The following GLI2 variants were observed in gnomAD, a reference collection of about 807,000 sequenced individuals.
GLI2 encodes the protein GLI family zinc finger 2.
GLI2 carries 22 observed loss-of-function variants against 78.9 expected under a neutral mutation model. The ratio of observed to expected loss-of-function variants is 0.28; its 90% CI spans 0.20 to 0.40. The LOEUF is 0.40. Among genes scored for constraint, GLI2 ranks in the 10% least tolerant of loss-of-function variants. GLI2 has a pLI of 1.00. For synonymous variants in GLI2, 974 were observed against 963.7 expected, an observed-to-expected ratio of 1.01 and a Z score of -0.20; for missense variants, 2,097 against 2,213.2, an observed-to-expected ratio of 0.95 and a Z score of 1.05.
At chr2:120,824,389 G>C (rs1685937036) in intron 2 of GLI2, among the ~76,000 whole-genome samples, 1 of 152,224 alleles carries the variant, frequency 6.6e-6, no homozygotes, top group Non-Finnish European at 1.5e-5. Flanking sequence ...CCCCTTACAG[G>C]GGTGTGGGCC....
At chr2:120,899,830 T>C (rs973280505) in intron 2 of GLI2, among the ~76,000 whole-genome samples, 25 of 152,194 alleles carry the variant, frequency 1.6e-4, no homozygotes, top group African/African-American at 5.6e-4. Context: ...CTAACTGGTG[T>C]CCAAGCCAGG....
chr2:120,747,477 TG>T (rs1682728058), intron 1 of GLI2, among the ~76,000 whole-genome samples: 1 of 152,188 alleles, frequency 6.6e-6, no homozygotes, highest in South Asian at 2.1e-4. Context: ...AGGGCTGCCC[TG>T]GGAGCAGCTG....
At chr2:120,756,517 T>A (rs561828741) in intron 1 of GLI2, among the ~76,000 whole-genome samples, 2 of 152,302 alleles carry the variant, frequency 1.3e-5, no homozygotes, top group East Asian at 3.9e-4. Flanking sequence ...TTTTTTGCCT[T>A]TCACTGGCTA....
At chr2:120,967,029 G>A (rs947409967) in intron 5 of GLI2, among the ~76,000 whole-genome samples, 3 of 152,236 alleles carry the variant, frequency 2.0e-5, no homozygotes, top group Admixed American at 6.5e-5. Flanking sequence ...CCCAGGAGGG[G>A]TCTCAGCAGG....
At chr2:120,948,448 C>A (rs1680821188) in intron 3 of GLI2, among the ~76,000 whole-genome samples, 1 of 152,174 alleles carries the variant, frequency 6.6e-6, no homozygotes, top group Admixed American at 6.5e-5. Flanking sequence ...TGGAGTCTAC[C>A]TTCCCCAAAT....
chr2:120,938,144 C>T (rs760650078), intron 3 of GLI2, among the ~76,000 whole-genome samples: 1 of 152,180 alleles, frequency 6.6e-6, no homozygotes, highest in African/African-American at 2.4e-5. Context: ...GTGCAGTTCA[C>T]CTGGAGAGGG....
rs577316807 is a variant in GLI2, at chr2:120,867,925, G to A, written c.149-59436G>A. 5.9e-5 allele frequency among the ~76,000 whole-genome samples: 9 copies of A among 152,330 alleles called. No homozygotes were observed. The South Asian group carries it at 1.5e-3, about 25-fold the overall frequency. ...AGGCACTGCCGAGAAAATGGAGCAA[G>A]AAAGTGAGGCGGCTCCTGCGTGGAC... On this transcript the variant is annotated intron_variant, in intron 2 of 13. Transcript: ENST00000361492.
At chr2:120,750,973 G>A (rs1031123282) in intron 1 of GLI2, among the ~76,000 whole-genome samples, 3 of 152,250 alleles carry the variant, frequency 2.0e-5, no homozygotes, top group Admixed American at 1.3e-4. Context: ...CTCCAAAGCG[G>A]GCCTTCCAGC....
rs539144356 is a variant in GLI2, at chr2:120,846,480, G to C, written c.148+49012G>C. 3.9e-3 allele frequency among the ~76,000 whole-genome samples: 598 copies of C among 152,338 alleles called. 6 individuals carry two copies. The highest frequency in any genetic ancestry group is 0.014 in the African/African-American group (573 of 41,580). ...GGGTCTCCGGGCAGTTGGTAATTTG[G>C]TGTGGGCTGAGTGCACAGGTGGTGG... On this transcript the variant is annotated intron_variant, in intron 2 of 13. Transcript: ENST00000361492.
chr2:120,989,763 TCAG>T lies in GLI2; in HGVS notation c.3802_3804del (p.Gln1268del), dbSNP rs1465693454. On this transcript the variant is annotated inframe_deletion, in exon 14 of 14. Coordinates refer to ENST00000361492, the MANE Select transcript of GLI2 (RefSeq NM_001374353.1). ...CCAAGCCAGGGCATCTGGGGCACCC[TCAG>T]CAGACAGAAGTGGCACCTGACCCCA... 6.2e-7 allele frequency: 1 copy of T among 1,612,266 alleles called. No individual in the cohort carries two copies. Among genetic ancestry groups the T allele is most frequent in the South Asian group, 1.1e-5 (1 of 90,940 alleles).
chr2:120,863,825 G>C (rs1161520221), intron 2 of GLI2, among the ~76,000 whole-genome samples: 5 of 152,190 alleles, frequency 3.3e-5, no homozygotes, highest in Admixed American at 2.6e-4. Context: ...GTCACAGGAG[G>C]GCGAGGCCGA....
chr2:120,857,823 T>A (rs1041320372), intron 2 of GLI2, among the ~76,000 whole-genome samples: 103 of 133,002 alleles, frequency 7.7e-4, no homozygotes, highest in Non-Finnish European at 1.1e-3. Flanking sequence ...CACAGCCTGA[T>A]GGTGGCCCTG....
intron 1 of GLI2, among the ~76,000 whole-genome samples, chr2:120,761,390 A>G (rs758428760): frequency 6.6e-6 from 1 of 152,054 alleles, no homozygotes; most frequent in Non-Finnish European, 1.5e-5. Flanking sequence ...GAGACCAAGG[A>G]TTCTCACAGC....
intron 2 of GLI2, among the ~76,000 whole-genome samples, chr2:120,902,680 C>G (rs1678326428): frequency 6.6e-6 from 1 of 152,214 alleles, no homozygotes; most frequent in African/African-American, 2.4e-5. Flanking sequence ...TGCTGCCCCT[C>G]GCCGGGTCCC....
At chr2:120,975,131 G>T (rs759656442) in intron 9 of GLI2, 22 bp downstream of exon 9, 4 of 1,612,646 alleles carry the variant, frequency 2.5e-6, no homozygotes, top group Non-Finnish European at 3.4e-6. Flanking sequence ...AACCCCAGCA[G>T]CCCGCCAACC....
In GLI2 at chr2:120,736,158, C is replaced by CT. The variant is rs1397960641; in HGVS notation, c.-157dup. ...GCCTGGCCCGCCCCGCCCCGGCTGGCTGGAGCCCCGGCACAAGGCAGCCAG... is the reference window on the plus strand; with the variant it reads ...GCCTGGCCCGCCCCGCCCCGGCTGGCTTGGAGCCCCGGCACAAGGCAGCCAG... On this transcript the variant is annotated 5_prime_UTR_variant, in exon 1 of 14. Coordinates refer to ENST00000361492, the MANE Select transcript of GLI2 (RefSeq NM_001374353.1). 1 of 151,916 alleles carries CT rather than the reference C, an allele frequency of 6.6e-6. No individual in the cohort carries two copies. The highest frequency in any genetic ancestry group is 1.5e-5 in the Non-Finnish European group (1 of 67,982). 9.4% of individuals were successfully genotyped at this position (151,916 alleles called of 1,614,324 possible).
At position 120,989,898 on chromosome 2, in the gene GLI2, G is replaced by A; in HGVS notation, c.3933G>A (p.Leu1311=). 6.2e-7 allele frequency: 1 copy of A among 1,612,988 alleles called. No homozygotes were observed. The highest frequency in any genetic ancestry group is 8.5e-7 in the Non-Finnish European group (1 of 1,179,958). Residue 1311 remains leucine, a synonymous_variant, in exon 14 of 14, where the codon CTG becomes CTA. Coordinates refer to ENST00000361492, the MANE Select transcript of GLI2 (RefSeq NM_001374353.1). The part of the protein sequence containing the change: ...VQSYPQQSHH[L]AASMSQEGYH... ...GCTACCCACAGCAGAGCCATCACCT[G>A]GCAGCCTCCATGAGCCAGGAGGGCT...
rs544732032 is a variant in GLI2, at chr2:120,786,373, G to A, written c.-30-10918G>A. 9.9e-5 allele frequency among the ~76,000 whole-genome samples: 15 copies of A among 152,152 alleles called. No homozygotes were observed. In the South Asian group the frequency reaches 2.5e-3, roughly 25 times the overall value. On this transcript the variant is annotated intron_variant, in intron 1 of 13. Coordinates refer to ENST00000361492, the MANE Select transcript of GLI2 (RefSeq NM_001374353.1). ...TGATCTGCAGACATCTCCCACCACC[G>A]CCATCATCCCTGCTGTTTGGGTCCT...
At position 120,800,569 on chromosome 2, in the gene GLI2, G is replaced by A. The variant is rs376503809; in HGVS notation, c.148+3101G>A. Reference sequence around the variant, plus strand: ...CACACAGGCTGGAGTGCAGTGGCACGATCTCAGCTCACTGCCAGCTCCGCC... The same window carrying A: ...CACACAGGCTGGAGTGCAGTGGCACAATCTCAGCTCACTGCCAGCTCCGCC... On this transcript the variant is annotated intron_variant, in intron 2 of 13. Transcript: ENST00000361492. The surrounding 1 kb of genome is among the most constrained non-coding windows in gnomAD (Gnocchi z 4.1). Among the ~76,000 whole-genome samples the A allele has an allele frequency of 3.4e-4, 51 of 151,892 alleles. No individual in the cohort carries two copies. Among genetic ancestry groups the A allele is most frequent in the African/African-American group, 1.2e-3 (49 of 41,410 alleles).
Sources: gnomAD v4.1 joint callset for allele counts (sites outside exome capture counted in the v4.1 genomes callset) on GRCh38, gnomAD v4.1.1 for gene constraint, Gnocchi (gnomAD v3.1) non-coding constraint, MANE v1.5 for transcripts, NCBI Gene and HGNC (gene_info 2026-07-23, HGNC 2026-07-21) for gene names.